The following ASCC1 variants were observed in gnomAD, a reference collection of about 807,000 sequenced individuals.
ASCC1 encodes ASC-1 complex subunit P50.
A neutral mutation model predicts 46.6 loss-of-function variants in ASCC1; 35 were observed. The ratio of observed to expected loss-of-function variants is 0.75; its 90% CI spans 0.57 to 0.99. The LOEUF (loss-of-function observed/expected upper bound fraction) is 0.99, where lower values mean the gene tolerates loss of function less well. ASCC1 is among the 50% of genes least tolerant of loss of function. ASCC1 has a pLI of 0.00. For synonymous variants in ASCC1, 143 were observed against 146.6 expected (o/e 0.98, Z 0.18); for missense variants, 376 against 428.7 (o/e 0.88, Z 1.09).
At chr10:72,160,184 G>A (rs192137669) in intron 6 of ASCC1, among the ~76,000 whole-genome samples, 34 of 152,244 alleles carry the variant, frequency 2.2e-4, no homozygotes, top group African/African-American at 6.0e-4. Context: ...GATTACAGGT[G>A]TGAGCCACTG....
chr10:72,126,851 C>A (rs1844917418), intron 9 of ASCC1, among the ~76,000 whole-genome samples: 1 of 152,146 alleles, frequency 6.6e-6, no homozygotes, highest in Admixed American at 6.5e-5. Context: ...AAACCCAAAG[C>A]TACCTCAAAA....
intron 7 of ASCC1, among the ~76,000 whole-genome samples, chr10:72,150,131 GCTGAGATCACA>G (rs1848152073): frequency 1.3e-5 from 2 of 151,814 alleles, no homozygotes; most frequent in South Asian, 4.2e-4. Context: ...GTTGCAGTGA[GCTGAGATCACA>G]CCACTGCACT....
chr10:72,201,137 A>G (rs1244009312), intron 4 of ASCC1, among the ~76,000 whole-genome samples: 1 of 151,848 alleles, frequency 6.6e-6, no homozygotes, highest in Non-Finnish European at 1.5e-5. Flanking sequence ...ATCTGCTGTC[A>G]AGGTGATTAT....
intron 5 of ASCC1, among the ~76,000 whole-genome samples, chr10:72,169,223 G>A (rs1322679713): frequency 6.6e-6 from 1 of 152,192 alleles, no homozygotes; most frequent in African/African-American, 2.4e-5. Flanking sequence ...GTCAAGGTGG[G>A]CAGATCACTT....
intron 8 of ASCC1, 140 bp downstream of exon 8, chr10:72,132,917 A>G (rs1845770585): frequency 3.9e-6 from 4 of 1,014,466 alleles, no homozygotes; most frequent in African/African-American, 1.6e-5. Context: ...GCCCACCTCT[A>G]CTATGCTCAT....
intron 5 of ASCC1, among the ~76,000 whole-genome samples, chr10:72,196,438 C>T (rs1211115062): frequency 6.6e-6 from 1 of 152,000 alleles, no homozygotes; most frequent in East Asian, 1.9e-4. Flanking sequence ...GCCACCTCAC[C>T]CAGCTAATTT....
chr10:72,210,450 G>A (rs112888267), intron 3 of ASCC1, among the ~76,000 whole-genome samples: 1 of 152,080 alleles, frequency 6.6e-6, no homozygotes, highest in African/African-American at 2.4e-5. Flanking sequence ...GTGAGCCACC[G>A]CACCTGGCCG....
At chr10:72,153,575 G>A (rs758414562) in intron 6 of ASCC1, among the ~76,000 whole-genome samples, 1 of 151,784 alleles carries the variant, frequency 6.6e-6, no homozygotes, top group Non-Finnish European at 1.5e-5. Context: ...ACAGGCGCCC[G>A]CCACCACGCC....
At chr10:72,157,228 G>A (rs1849093134) in intron 6 of ASCC1, among the ~76,000 whole-genome samples, 1 of 152,160 alleles carries the variant, frequency 6.6e-6, no homozygotes, top group Admixed American at 6.5e-5. Flanking sequence ...GTCATCTGAG[G>A]TATGTAGCTT....
intron 1 of ASCC1, among the ~76,000 whole-genome samples, chr10:72,213,733 C>T (rs1858549480): frequency 1.3e-5 from 2 of 151,824 alleles, no homozygotes; most frequent in Admixed American, 1.3e-4. Context: ...ATAGTGAGAC[C>T]TCGTCTCTAA....
At chr10:72,117,143 T>C (rs952122536) in intron 9 of ASCC1, among the ~76,000 whole-genome samples, 2 of 152,250 alleles carry the variant, frequency 1.3e-5, no homozygotes, top group East Asian at 1.9e-4. Context: ...TTGGCTTTGA[T>C]TTCTTCGAAC....
At chr10:72,150,122 T>A (rs138052115) in intron 7 of ASCC1, among the ~76,000 whole-genome samples, 5,365 of 151,952 alleles carry the variant, frequency 0.035, 266 homozygotes, top group African/African-American at 0.11. Context: ...GAAGCAGATG[T>A]TGCAGTGAGC....
At chr10:72,161,506 C>T (rs1415313715) in intron 6 of ASCC1, 32 bp downstream of exon 6, 6 of 1,613,952 alleles carry the variant, frequency 3.7e-6, no homozygotes, top group Non-Finnish European at 4.2e-6. Flanking sequence ...CCCAGGTAGA[C>T]CACCCAACCC....
At chr10:72,183,541 C>T (rs1307493091) in intron 5 of ASCC1, among the ~76,000 whole-genome samples, 1 of 151,752 alleles carries the variant, frequency 6.6e-6, no homozygotes, top group African/African-American at 2.4e-5. Flanking sequence ...ACCAGCTACT[C>T]GGGAGGCTGA....
chr10:72,175,141 G>A (rs928324397), intron 5 of ASCC1, among the ~76,000 whole-genome samples: 10 of 152,200 alleles, frequency 6.6e-5, no homozygotes, highest in Non-Finnish European at 1.3e-4. Context: ...TGTGCAACCA[G>A]ACAGGCCTAT....
intron 7 of ASCC1, among the ~76,000 whole-genome samples, chr10:72,149,990 A>C (rs1016010214): frequency 2.0e-5 from 3 of 152,108 alleles, no homozygotes; most frequent in African/African-American, 7.2e-5. Context: ...GTTCGAGACC[A>C]GCCTGACCAA....
At chr10:72,135,814 A>T (rs1846115836) in intron 7 of ASCC1, among the ~76,000 whole-genome samples, 1 of 152,198 alleles carries the variant, frequency 6.6e-6, no homozygotes, top group South Asian at 2.1e-4. Context: ...GGAATCAAAG[A>T]AGTGAAGGTG....
chr10:72,148,166 A>G (rs1847863391), intron 7 of ASCC1, among the ~76,000 whole-genome samples: 1 of 152,208 alleles, frequency 6.6e-6, no homozygotes, highest in Non-Finnish European at 1.5e-5. Flanking sequence ...AGCAGTAAAA[A>G]TGATTTTATT....
Position 72,098,573 on chromosome 10 carries a change from T to C in ASCC1, c.958-1123A>G, listed in dbSNP as rs140893168. On this transcript the variant is annotated intron_variant, in intron 9 of 9. Coordinates refer to ENST00000672957, the MANE Select transcript of ASCC1 (RefSeq NM_001198800.3). ...TCCCCAACGATGCCTGAGGGGACCTTTGCACATGGACAAGTGACTGTCTTT... is the reference window on the plus strand; with the variant it reads ...TCCCCAACGATGCCTGAGGGGACCTCTGCACATGGACAAGTGACTGTCTTT... 9.8e-5 allele frequency among the ~76,000 whole-genome samples: 15 copies of C among 152,354 alleles called. 1 individual carries two copies. In the East Asian group the frequency reaches 2.5e-3, roughly 25 times the overall value.
Sources: gnomAD v4.1 joint callset for allele counts (sites outside exome capture counted in the v4.1 genomes callset) on GRCh38, gnomAD v4.1.1 for gene constraint, MANE v1.5 for transcripts, NCBI Gene and HGNC (gene_info 2026-07-23, HGNC 2026-07-21) for gene names.